The following LINGO2 variants were observed in gnomAD, a reference collection of about 807,000 sequenced individuals.
The protein encoded by LINGO2 is leucine-rich repeat and immunoglobulin-like domain-containing nogo receptor-interacting protein 2.
LINGO2 carries 14 observed loss-of-function variants against 30.6 expected under a neutral mutation model. The ratio of observed to expected loss-of-function variants is 0.46; its 90% CI spans 0.30 to 0.72. The LOEUF (loss-of-function observed/expected upper bound fraction) is 0.72, where lower values mean the gene tolerates loss of function less well. Among genes scored for constraint, LINGO2 ranks in the 30% least tolerant of loss-of-function variants. The pLI is 0.07. For missense variants in LINGO2, 729 were observed against 751.7 expected (o/e 0.97, Z 0.35); for synonymous variants, 317 against 288.5 (o/e 1.10, Z -1.00).
rs139208417 is a variant in LINGO2 at position 28,189,597 on chromosome 9, A to G, written c.-87+105611T>C. 9.5e-3 allele frequency among the ~76,000 whole-genome samples: 53 copies of G among 5,590 alleles called. 6 individuals carry two copies. The highest frequency in any genetic ancestry group is 0.018 in the East Asian group (2 of 110). The allele number at this position is 5,590 out of a possible 152,430, so 3.7% of individuals were successfully genotyped here. A position where few individuals can be genotyped will look rare whatever the true frequency, so the allele number is the denominator to read the frequency against. The stretch of plus-strand genomic sequence containing the variant: ...GAAGGAAGGGAGGGAGGAAGGAAGG[A>G]AGGGAGGAAGGAAGGGAGGGAGGGA... On this transcript the variant is annotated intron_variant, in intron 4 of 5. Transcript: ENST00000379992.
chr9:28,553,400 A>T (rs965505089), intron 1 of LINGO2, among the ~76,000 whole-genome samples: 1 of 152,072 alleles, frequency 6.6e-6, no homozygotes, highest in Non-Finnish European at 1.5e-5. Context: ...GGGTATCAGC[A>T]ATGGAAGATG....
chr9:29,211,893 G>A, the LINGO2 span, among the ~76,000 whole-genome samples: 1 of 152,124 alleles, frequency 6.6e-6, no homozygotes, highest in African/African-American at 2.4e-5. Context: ...ATATTCAAGG[G>A]AGGCGGGGGA....
At chr9:29,006,800 G>A in the LINGO2 span, among the ~76,000 whole-genome samples, 1 of 152,006 alleles carries the variant, frequency 6.6e-6, no homozygotes, top group Non-Finnish European at 1.5e-5. Flanking sequence ...ACATAGGAAA[G>A]GCTAAGTGAA....
At chr9:28,271,271 A>C (rs987799673) in intron 4 of LINGO2, among the ~76,000 whole-genome samples, 6 of 152,040 alleles carry the variant, frequency 3.9e-5, no homozygotes, top group Non-Finnish European at 7.4e-5. Flanking sequence ...TACTACCTTT[A>C]CATATATTCA....
At chr9:28,915,002 C>T in the LINGO2 span, among the ~76,000 whole-genome samples, 2 of 152,028 alleles carry the variant, frequency 1.3e-5, no homozygotes, top group Non-Finnish European at 2.9e-5. Context: ...CATGGTGGCA[C>T]ACGCCTGTAG....
chr9:28,053,100 C>T (rs1213455985), intron 4 of LINGO2, among the ~76,000 whole-genome samples: 1 of 151,942 alleles, frequency 6.6e-6, no homozygotes, highest in Non-Finnish European at 1.5e-5. Flanking sequence ...ACCCCTGTGA[C>T]AGGGGAACCA....
At chr9:29,111,041 G>C in the LINGO2 span, among the ~76,000 whole-genome samples, 2 of 152,114 alleles carry the variant, frequency 1.3e-5, no homozygotes, top group African/African-American at 4.8e-5. Context: ...ACAAATGTTT[G>C]CACGCTGATT....
chr9:28,942,743 T>C, the LINGO2 span, among the ~76,000 whole-genome samples: 1 of 152,290 alleles, frequency 6.6e-6, no homozygotes, highest in Admixed American at 6.5e-5. Context: ...AGGGTTTCTG[T>C]TTTTGTTTTT....
chr9:29,025,760 G>C, the LINGO2 span, among the ~76,000 whole-genome samples: 2 of 151,992 alleles, frequency 1.3e-5, no homozygotes, highest in Non-Finnish European at 2.9e-5. Flanking sequence ...CATATTCCTC[G>C]TGTCTAGCTG....
chr9:28,034,165 T>C (rs1823819385), intron 4 of LINGO2, among the ~76,000 whole-genome samples: 1 of 152,210 alleles, frequency 6.6e-6, no homozygotes, highest in Admixed American at 6.5e-5. Flanking sequence ...CAGGGCTTGC[T>C]GGGGCGTTCA....
At chr9:28,509,600 G>T (rs984834185) in intron 1 of LINGO2, among the ~76,000 whole-genome samples, 2 of 152,158 alleles carry the variant, frequency 1.3e-5, no homozygotes, top group African/African-American at 4.8e-5. Flanking sequence ...TGAGAGACAG[G>T]GCCGTTAAGG....
intron 4 of LINGO2, among the ~76,000 whole-genome samples, chr9:28,290,403 G>A (rs1823678976): frequency 6.6e-6 from 1 of 152,088 alleles, no homozygotes; most frequent in East Asian, 1.9e-4. Context: ...TCATTCTCTG[G>A]CTCCTGCTCT....
the LINGO2 span, among the ~76,000 whole-genome samples, chr9:29,110,396 G>C: frequency 2.6e-5 from 4 of 152,012 alleles, no homozygotes; most frequent in East Asian, 7.8e-4. Flanking sequence ...GCAGTGATTC[G>C]ATCTCGGCTC....
At chr9:28,071,989 G>A (rs1007730829) in intron 4 of LINGO2, among the ~76,000 whole-genome samples, 6 of 152,046 alleles carry the variant, frequency 3.9e-5, no homozygotes, top group Non-Finnish European at 5.9e-5. Flanking sequence ...ACATATGATC[G>A]TCTGGTTAGA....
intron 4 of LINGO2, among the ~76,000 whole-genome samples, chr9:28,162,794 C>T (rs1828322523): frequency 6.6e-6 from 1 of 151,970 alleles, no homozygotes; most frequent in Admixed American, 6.6e-5. Context: ...TTACATGGGA[C>T]TTAACTTGGA....
the LINGO2 span, among the ~76,000 whole-genome samples, chr9:29,154,090 G>A: frequency 1.3e-4 from 20 of 152,240 alleles, 1 homozygote; most frequent in African/African-American, 4.8e-4. Context: ...TGGATTAATA[G>A]TTTTAGTTAA....
rs1178416959 is a variant in LINGO2, at chr9:28,048,289, C to G, written c.-86-35884G>C. ...CAACTAAATCTATAAATACAGAAAG[C>G]CTCTACTAAGTGAAAACATTGTAAT... On this transcript the variant is annotated intron_variant, in intron 4 of 5. Coordinates refer to ENST00000379992, the Ensembl canonical transcript of LINGO2. 4.6e-5 allele frequency among the ~76,000 whole-genome samples: 7 copies of G among 150,924 alleles called. No individual in the cohort carries two copies. The Admixed American group carries it at 4.6e-4, about 10-fold the overall frequency.
the LINGO2 span, among the ~76,000 whole-genome samples, chr9:28,896,925 C>T: frequency 6.6e-6 from 1 of 152,016 alleles, no homozygotes; most frequent in East Asian, 1.9e-4. Context: ...GAAAGGATTT[C>T]AGGGAGCAAA....
the LINGO2 span, among the ~76,000 whole-genome samples, chr9:28,826,435 T>C: frequency 3.9e-5 from 6 of 152,194 alleles, no homozygotes; most frequent in Non-Finnish European, 5.9e-5. Flanking sequence ...AGATTTTTCC[T>C]GTACTTCTGC....
Sources: allele counts gnomAD v4.1 joint callset (sites outside exome capture counted in the v4.1 genomes callset), GRCh38; gene constraint gnomAD v4.1.1; transcripts MANE v1.5; gene names NCBI Gene and HGNC (gene_info 2026-07-23, HGNC 2026-07-21).